Variants in TPRG1 observed in about 807,000 individuals in gnomAD.
TPRG1 encodes the protein tumor protein p63-regulated gene 1 protein.
Under a neutral mutation model 29.3 loss-of-function variants are expected in TPRG1, and 29 were observed. That is an observed-to-expected ratio of 0.99 (90% CI 0.74 to 1.35). TPRG1 has a LOEUF of 1.35. TPRG1 is among the 40% of genes most tolerant of loss of function. The pLI, the probability that TPRG1 is intolerant of heterozygous loss-of-function variation, is 0.00. For synonymous variants in TPRG1, 130 were observed against 116.8 expected (o/e 1.11, Z -0.73); for missense variants, 327 against 335.0 (o/e 0.98, Z 0.19).
chr3:189,310,317 T>G, intron 4 of TPRG1, 69 bp from the exon 5 acceptor site: 1 of 1,356,278 alleles, frequency 7.4e-7, no homozygotes, highest in Non-Finnish European at 9.9e-7. Flanking sequence ...CTGACTGATG[T>G]ATTACATTCT....
chr3:189,238,350 A>G (rs1271819232), intron 3 of TPRG1, among the ~76,000 whole-genome samples: 1 of 152,194 alleles, frequency 6.6e-6, no homozygotes, highest in Non-Finnish European at 1.5e-5. Context: ...AGCTAGAACA[A>G]AGAGATATTT....
intron 4 of TPRG1, among the ~76,000 whole-genome samples, chr3:189,257,318 T>C (rs2109023580): frequency 6.6e-6 from 1 of 152,342 alleles, no homozygotes; most frequent in South Asian, 2.1e-4. Flanking sequence ...TCTTTAAGAA[T>C]GTTGAATGTT....
chr3:189,106,113 C>G (rs961372195), intron 1 of TPRG1, among the ~76,000 whole-genome samples: 2 of 152,042 alleles, frequency 1.3e-5, no homozygotes, highest in Admixed American at 1.3e-4. Context: ...AGAAACAAAA[C>G]AAAACAAAAC....
intron 3 of TPRG1, among the ~76,000 whole-genome samples, chr3:189,132,877 T>C (rs1723256181): frequency 6.6e-6 from 1 of 152,202 alleles, no homozygotes; most frequent in Non-Finnish European, 1.5e-5. Context: ...TAGTTTTTTC[T>C]GGAAGAGACT....
intron 3 of TPRG1, among the ~76,000 whole-genome samples, chr3:189,135,058 G>A (rs1288806791): frequency 6.6e-6 from 1 of 152,210 alleles, no homozygotes; most frequent in Non-Finnish European, 1.5e-5. Context: ...ACAGTGGGAT[G>A]TGTGCAGATG....
chr3:189,219,707 G>A, intron 3 of TPRG1: 1 of 1,264,594 alleles, frequency 7.9e-7, no homozygotes, highest in Non-Finnish European at 1.0e-6. Context: ...AAAGAGACAG[G>A]AGGAGACAGC....
chr3:189,228,332 G>A (rs1738104179), intron 3 of TPRG1, among the ~76,000 whole-genome samples: 1 of 151,738 alleles, frequency 6.6e-6, no homozygotes, highest in Non-Finnish European at 1.5e-5. Flanking sequence ...TAGAACTATA[G>A]ATCAGTATTC....
At chr3:189,319,216 T>A (rs1577060192) in intron 5 of TPRG1, among the ~76,000 whole-genome samples, 1 of 152,188 alleles carries the variant, frequency 6.6e-6, no homozygotes, top group Admixed American at 6.5e-5. Flanking sequence ...TGATTATTAT[T>A]ATGAAAAATT....
chr3:189,314,476 C>A (rs1272876933), intron 5 of TPRG1, among the ~76,000 whole-genome samples: 1 of 152,120 alleles, frequency 6.6e-6, no homozygotes, highest in East Asian at 1.9e-4. Context: ...AATGCTATGT[C>A]AAAATATACT....
intron 4 of TPRG1, among the ~76,000 whole-genome samples, chr3:189,094,311 C>T (rs1241265005): frequency 6.6e-6 from 1 of 152,202 alleles, no homozygotes; most frequent in African/African-American, 2.4e-5. Context: ...GCCCCTGGAT[C>T]TCACAAAATG....
In TPRG1 at chr3:189,324,038, C is replaced by T. The variant is rs142177724; in HGVS notation, c.*3218C>T. Reference sequence around the variant, plus strand: ...TAAACAATCACCAGGACTCACTCCTCGGTGGTCAATTGGGCCTGTTTGGAG... The same window carrying T: ...TAAACAATCACCAGGACTCACTCCTTGGTGGTCAATTGGGCCTGTTTGGAG... On this transcript the variant is annotated 3_prime_UTR_variant, in exon 6 of 6. Transcript: ENST00000345063. 6 of 152,198 alleles carry T rather than the reference C, an allele frequency of 3.9e-5. No individual in the cohort carries two copies. In the East Asian group the frequency reaches 7.7e-4, roughly 20 times the overall value. 9.4% of individuals were successfully genotyped at this position (152,198 alleles called of 1,614,324 possible).
At chr3:189,101,950 T>A (rs1306892747) in intron 1 of TPRG1, among the ~76,000 whole-genome samples, 1 of 152,182 alleles carries the variant, frequency 6.6e-6, no homozygotes, top group African/African-American at 2.4e-5. Flanking sequence ...TATTTTAATT[T>A]TTTTGCAGAT....
At position 189,091,307 on chromosome 3, in the gene TPRG1, C is replaced by G. The variant is rs181324001; in HGVS notation, c.-462-35750C>G. Among the ~76,000 whole-genome samples the G allele has an allele frequency of 2.4e-3, 359 of 152,130 alleles. 7 individuals are homozygous for G. The highest frequency in any genetic ancestry group is 6.8e-4 in the Non-Finnish European group (46 of 67,968). On this transcript the variant is annotated intron_variant, in intron 4 of 10. Transcript: ENST00000433971. ...TGTGACAGATGCATTTTGAAATCAA[C>G]TTTATTGAAATATCATTTGTATATA...
rs918529290 is a variant in TPRG1, at chr3:189,203,727, A to G, written c.-9-3649A>G. Among the ~76,000 whole-genome samples, 7 of 152,298 alleles carry G rather than the reference A, an allele frequency of 4.6e-5. No homozygotes were observed. In the East Asian group the frequency reaches 9.6e-4, roughly 21 times the overall value. ...AGTTTTTATTACATGAATTCCCTGG[A>G]ATGAGAAGATTCCATGAAAAAGTAT... is the stretch of plus-strand genomic sequence containing the variant. On this transcript the variant is annotated intron_variant, in intron 1 of 5. Coordinates refer to ENST00000345063, the MANE Select transcript of TPRG1 (RefSeq NM_198485.4).
At chr3:189,231,938 C>A (rs1418965626) in intron 3 of TPRG1, among the ~76,000 whole-genome samples, 3 of 103,622 alleles carry the variant, frequency 2.9e-5, no homozygotes, top group East Asian at 2.2e-4. Flanking sequence ...AGCTTCAAAC[C>A]TGGTTTGTGT....
chr3:189,258,404 T>C (rs1712311428), intron 4 of TPRG1, among the ~76,000 whole-genome samples: 1 of 152,066 alleles, frequency 6.6e-6, no homozygotes, highest in African/African-American at 2.4e-5. Flanking sequence ...ACCAACCAGA[T>C]GCTAGCCAGA....
intron 1 of TPRG1, among the ~76,000 whole-genome samples, chr3:189,116,422 C>A (rs1721181708): frequency 6.6e-6 from 1 of 152,130 alleles, no homozygotes; most frequent in Non-Finnish European, 1.5e-5. Flanking sequence ...CGTGATCCAC[C>A]CACCTTGGCC....
chr3:189,239,720 T>C (rs1283914470), intron 4 of TPRG1, among the ~76,000 whole-genome samples: 1 of 152,154 alleles, frequency 6.6e-6, no homozygotes, highest in East Asian at 1.9e-4. Flanking sequence ...GCTCAGTGGA[T>C]AGAACCAAAA....
intron 4 of TPRG1, among the ~76,000 whole-genome samples, chr3:189,087,113 A>C (rs1717998511): frequency 6.6e-6 from 1 of 152,188 alleles, no homozygotes; most frequent in Non-Finnish European, 1.5e-5. Context: ...ACTAGTTTGC[A>C]GTCCCACTAA....
Sources: gnomAD v4.1 joint callset for allele counts (sites outside exome capture counted in the v4.1 genomes callset) on GRCh38, gnomAD v4.1.1 for gene constraint, MANE v1.5 for transcripts, NCBI Gene and HGNC (gene_info 2026-07-23, HGNC 2026-07-21) for gene names.